SACS: variants seen among roughly 807,000 people sequenced by gnomAD.
The protein encoded by SACS is sacsin.
In SACS, 197 loss-of-function variants were observed where a neutral mutation model predicts 348.0. The observed-to-expected ratio is 0.57, with a 90% CI of 0.50 to 0.64. The LOEUF is 0.64. Among genes scored for constraint, SACS ranks in the 30% least tolerant of loss-of-function variants. The probability of loss-of-function intolerance (pLI) is 0.00; values close to 1 mark genes in which losing one functional copy is unlikely to be tolerated. For missense variants in SACS, 4,999 were observed against 5,360.8 expected (o/e 0.93, Z 2.11); for synonymous variants, 1,985 against 1,910.6 (o/e 1.04, Z -1.02).
In SACS at chr13:23,338,074, A is replaced by G; in HGVS notation, c.5802T>C (p.Ser1934=). The change falls in exon 10 of 10, where the codon AGT becomes AGC. Residue 1934 remains serine (S), a synonymous_variant. Coordinates refer to ENST00000382292, the MANE Select transcript of SACS (RefSeq NM_014363.6). ...VLSVLRDLAT[S]GELMDYTYYA... ...AGTAAGTATAATCCATTAGCTCCCC[A>G]CTAGTGGCCAGGTCCCGTAAGACAC... 4 of 1,613,894 alleles carry G rather than the reference A, an allele frequency of 2.5e-6. No homozygotes were observed. The highest frequency in any genetic ancestry group is 3.4e-6 in the Non-Finnish European group (4 of 1,179,874).
chr13:23,332,068 C>A lies in SACS; in HGVS notation c.11808G>T (p.Gly3936=). 1.2e-6 allele frequency: 2 copies of A among 1,614,038 alleles called. No individual in the cohort carries two copies. The highest frequency in any genetic ancestry group is 8.5e-7 in the Non-Finnish European group (1 of 1,179,962). The change falls in exon 10 of 10, where the codon GGG becomes GGT. Residue 3936 remains glycine, a synonymous_variant. Coordinates refer to ENST00000382292, the MANE Select transcript of SACS (RefSeq NM_014363.6). ...DAPHYKSRIQ[G]NIGVQMLVDL... ...CAACTAACATTTGCACACCAATATT[C>A]CCCTGGATTCTACTTTTATAATGTG...
chr13:23,389,467 G>A (rs892001139), intron 2 of SACS, among the ~76,000 whole-genome samples: 2 of 152,234 alleles, frequency 1.3e-5, no homozygotes, highest in South Asian at 2.1e-4. Context: ...CCACTGACCA[G>A]GGTCACTGGA....
At position 23,331,288 on chromosome 13, in the gene SACS, T is replaced by G; in HGVS notation, c.12588A>C (p.Ser4196=). 1 of 1,614,028 alleles carries G rather than the reference T, an allele frequency of 6.2e-7. No homozygotes were observed. Among genetic ancestry groups the G allele is most frequent in the Non-Finnish European group, 8.5e-7 (1 of 1,179,938 alleles). The change falls in exon 10 of 10, where the codon TCA becomes TCC. Residue 4196 remains serine, a synonymous_variant. Coordinates refer to ENST00000382292, the MANE Select transcript of SACS (RefSeq NM_014363.6). ...TTGCATATGTGTATGTTGGCTGGTA[T>G]GATCCATAGATATCACCACCTTCAG... The part of the protein sequence containing the change: ...VDAEGGDIYG[S]YQPTYTYAII...
At chr13:23,371,682 T>C (rs895641658) in intron 3 of SACS, among the ~76,000 whole-genome samples, 2 of 152,256 alleles carry the variant, frequency 1.3e-5, no homozygotes, top group African/African-American at 4.8e-5. Context: ...AGGTTACGTA[T>C]TCAGGCTACA....
intron 1 of SACS, among the ~76,000 whole-genome samples, chr13:23,426,500 C>T (rs545598254): frequency 6.6e-6 from 1 of 152,186 alleles, no homozygotes; most frequent in South Asian, 2.1e-4. Context: ...TTTAGCCCGG[C>T]ATGATGGTGG....
chr13:23,417,094 A>G (rs1037507979), intron 1 of SACS, among the ~76,000 whole-genome samples: 3 of 152,228 alleles, frequency 2.0e-5, no homozygotes, highest in African/African-American at 7.2e-5. Flanking sequence ...ATAGACATTT[A>G]TCAAGCAAGA....
At chr13:23,377,004 C>A (rs1374913698) in intron 2 of SACS, among the ~76,000 whole-genome samples, 1 of 152,166 alleles carries the variant, frequency 6.6e-6, no homozygotes, top group Non-Finnish European at 1.5e-5. Flanking sequence ...ATATGGGTGA[C>A]CCTTGCAGAC....
intron 2 of SACS, among the ~76,000 whole-genome samples, chr13:23,409,938 G>A (rs1489893721): frequency 6.6e-6 from 1 of 152,128 alleles, no homozygotes; most frequent in African/African-American, 2.4e-5. Context: ...TATAGTTAGT[G>A]TCAGCGTCAA....
At chr13:23,352,544 T>C (rs1385616752) in intron 9 of SACS, among the ~76,000 whole-genome samples, 3 of 152,192 alleles carry the variant, frequency 2.0e-5, no homozygotes, top group Admixed American at 6.5e-5. Context: ...TATGTTCAGA[T>C]GGTAAAATTT....
At chr13:23,385,028 G>A (rs138791233) in intron 2 of SACS, among the ~76,000 whole-genome samples, 2,800 of 152,128 alleles carry the variant, frequency 0.018, 75 homozygotes, top group Non-Finnish European at 0.021. Context: ...TTGGGAGGCC[G>A]AGGTAGGCAG....
chr13:23,337,336 A>G lies in SACS; in HGVS notation c.6540T>C (p.Ala2180=). ...VAEINKSDHV[A]ACLRSSILLS... ...ATAAGATACTACTTCTTAGGCATGCAGCAACATGATCACTTTTATTAATTT... is the reference window on the plus strand; with the variant it reads ...ATAAGATACTACTTCTTAGGCATGCGGCAACATGATCACTTTTATTAATTT... Residue 2180 remains alanine, a synonymous_variant, in exon 10 of 10, where the codon GCT becomes GCC. Coordinates refer to ENST00000382292, the MANE Select transcript of SACS (RefSeq NM_014363.6). The G allele has an allele frequency of 1.2e-6, 2 of 1,613,988 alleles. No homozygotes were observed. Among genetic ancestry groups the G allele is most frequent in the Non-Finnish European group, 1.7e-6 (2 of 1,179,922 alleles).
At chr13:23,431,238 A>G (rs565282457) in intron 1 of SACS, among the ~76,000 whole-genome samples, 1 of 152,350 alleles carries the variant, frequency 6.6e-6, no homozygotes, top group South Asian at 2.1e-4. Context: ...AGATTATTCT[A>G]TGTCTCTTGC....
intron 1 of SACS, among the ~76,000 whole-genome samples, chr13:23,415,772 C>A (rs1382758893): frequency 6.6e-6 from 1 of 152,006 alleles, no homozygotes; most frequent in Non-Finnish European, 1.5e-5. Context: ...CCCAGTACCA[C>A]AAATAGAGAA....
Position 23,335,069 on chromosome 13 carries a change from C to T in SACS, c.8807G>A (p.Gly2936Asp). 6.2e-7 allele frequency: 1 copy of T among 1,613,300 alleles called. No homozygotes were observed. The highest frequency in any genetic ancestry group is 8.5e-7 in the Non-Finnish European group (1 of 1,179,486). The part of the protein sequence containing the change: ...LIQLKKRYFP[G>D]SDPTLSVLQN... ...TAACACTGATAATGTTGGATCAGAACCAGGGAAATACCGTTTTTTTAACTG... is the reference window on the plus strand; with the variant it reads ...TAACACTGATAATGTTGGATCAGAATCAGGGAAATACCGTTTTTTTAACTG... The change falls in exon 10 of 10, where the codon GGT (glycine) becomes GAT (aspartate). Residue 2936 changes from glycine to aspartate, a missense_variant. Gly to Asp is a moderately conservative substitution (Grantham distance 94). This residue lies in a region of SACS where 734 missense variants were observed against 694.0 expected (regional missense o/e 1.06). Coordinates refer to ENST00000382292, the MANE Select transcript of SACS (RefSeq NM_014363.6). The surrounding 1 kb of genome is among the most constrained non-coding windows in gnomAD (Gnocchi z 4.7).
At chr13:23,431,752 CAA>C (rs1874442473) in intron 1 of SACS, among the ~76,000 whole-genome samples, 1 of 152,194 alleles carries the variant, frequency 6.6e-6, no homozygotes, top group African/African-American at 2.4e-5. Flanking sequence ...CTTTTATAGA[CAA>C]GAGGGCTTAG....
Position 23,430,880 on chromosome 13 carries a change from A to G in SACS, c.-502+2735T>C, listed in dbSNP as rs558746898. Among the ~76,000 whole-genome samples, 234 of 152,252 alleles carry G rather than the reference A, an allele frequency of 1.5e-3. 1 individual carries two copies. Among genetic ancestry groups the G allele is most frequent in the African/African-American group, 5.2e-3 (214 of 41,550 alleles). ...TCTCTCCTGACAAAACCCAGAACCA[A>G]CGTGTCACCTTGGGTTTCACATCGT... On this transcript the variant is annotated intron_variant, in intron 1 of 9. Coordinates refer to ENST00000382292, the MANE Select transcript of SACS (RefSeq NM_014363.6).
Position 23,332,575 on chromosome 13 carries a change from T to A in SACS, c.11301A>T (p.Lys3767Asn), listed in dbSNP as rs762041995. Reference protein sequence around the residue: ...NITTLDEEMVKTRAKVLRSIY... With the variant: ...NITTLDEEMVNTRAKVLRSIY... ...TGCTCCTTAAGACTTTTGCTCTAGT[T>A]TTTACCATTTCTTCATCCAACGTCG... The change falls in exon 10 of 10, where the codon AAA becomes AAT. Residue 3767 changes from lysine to asparagine, a missense_variant. Transcript: ENST00000382292. 1.2e-5 allele frequency: 20 copies of A among 1,613,710 alleles called. No homozygotes were observed. Among genetic ancestry groups the A allele is most frequent in the Non-Finnish European group, 1.7e-5 (20 of 1,179,916 alleles).
chr13:23,390,871 G>C (rs1373065987), intron 2 of SACS, among the ~76,000 whole-genome samples: 1 of 152,144 alleles, frequency 6.6e-6, no homozygotes, highest in Non-Finnish European at 1.5e-5. Context: ...CCCTCATTCA[G>C]GTGTTTACAC....
At position 23,421,054 on chromosome 13, in the gene SACS, A is replaced by C. The variant is rs531149089; in HGVS notation, c.-501-9314T>G. On this transcript the variant is annotated intron_variant, in intron 1 of 9. Coordinates refer to ENST00000382292, the MANE Select transcript of SACS (RefSeq NM_014363.6). ...CCTGGTGTCCACCTAAAGTGTGGGTATCCACCTAGGACCTGGTGTGCACCT... is the reference window on the plus strand; with the variant it reads ...CCTGGTGTCCACCTAAAGTGTGGGTCTCCACCTAGGACCTGGTGTGCACCT... Among the ~76,000 whole-genome samples, 5 of 151,954 alleles carry C rather than the reference A, an allele frequency of 3.3e-5. No individual in the cohort carries two copies. In the South Asian group the frequency reaches 6.3e-4, roughly 19 times the overall value.
Sources: gnomAD v4.1 joint callset for allele counts (sites outside exome capture counted in the v4.1 genomes callset) on GRCh38, gnomAD v4.1.1 for gene constraint, gnomAD v4.1.1 regional missense constraint, Gnocchi (gnomAD v3.1) non-coding constraint, MANE v1.5 for transcripts, NCBI Gene and HGNC (gene_info 2026-07-23, HGNC 2026-07-21) for gene names.